SORCS2: variants seen among roughly 807,000 people sequenced by gnomAD.
The protein encoded by SORCS2 is VPS10 domain-containing receptor SorCS2.
In SORCS2, 100 loss-of-function variants were observed where a neutral mutation model predicts 141.6. The ratio of observed to expected loss-of-function variants is 0.71; its 90% CI spans 0.60 to 0.83. The LOEUF (loss-of-function observed/expected upper bound fraction) is 0.83, where lower values mean the gene tolerates loss of function less well. SORCS2 is among the 40% of genes least tolerant of loss of function. The probability of loss-of-function intolerance (pLI) is 0.00; values close to 1 mark genes in which losing one functional copy is unlikely to be tolerated. For missense variants in SORCS2, 1,646 were observed against 1,560.2 expected (o/e 1.05, Z -0.93); for synonymous variants, 789 against 676.9 (o/e 1.17, Z -2.57).
chr4:7,521,090 A>C (rs1452979074), intron 2 of SORCS2, among the ~76,000 whole-genome samples: 1 of 151,920 alleles, frequency 6.6e-6, no homozygotes, highest in Non-Finnish European at 1.5e-5. Flanking sequence ...GGTCAGCGAA[A>C]TGGGAAGGTG....
intron 1 of SORCS2, among the ~76,000 whole-genome samples, chr4:7,378,302 C>G (rs142275166): frequency 6.6e-6 from 1 of 152,116 alleles, no homozygotes; most frequent in Non-Finnish European, 1.5e-5. Flanking sequence ...TTTAAGGCAC[C>G]TTTTTGGGGC....
At chr4:7,425,917 C>G (rs1015857231) in intron 2 of SORCS2, among the ~76,000 whole-genome samples, 2 of 152,194 alleles carry the variant, frequency 1.3e-5, no homozygotes, top group African/African-American at 4.8e-5. Context: ...GTGCCCCAAT[C>G]TAGTCCAGCC....
intron 1 of SORCS2, among the ~76,000 whole-genome samples, chr4:7,361,486 G>C (rs969592791): frequency 6.6e-5 from 10 of 152,216 alleles, no homozygotes; most frequent in African/African-American, 2.4e-4. Flanking sequence ...GGGAGAGAGA[G>C]GATCTGGGCT....
intron 2 of SORCS2, chr4:7,430,726 C>T (rs1445675225): frequency 6.6e-6 from 1 of 152,314 alleles, no homozygotes; most frequent in Non-Finnish European, 1.5e-5. Flanking sequence ...GTCTCCCAAA[C>T]TTCTAGGCCC....
At chr4:7,520,953 A>T (rs1222212678) in intron 2 of SORCS2, among the ~76,000 whole-genome samples, 1 of 152,240 alleles carries the variant, frequency 6.6e-6, no homozygotes, top group Non-Finnish European at 1.5e-5. Context: ...TGGTGCACGG[A>T]TCAGGGGACA....
chr4:7,519,664 G>A (rs1479716036), intron 2 of SORCS2, among the ~76,000 whole-genome samples: 1 of 152,210 alleles, frequency 6.6e-6, no homozygotes, highest in African/African-American at 2.4e-5. Context: ...TCCCTTCATT[G>A]CTGCTGGCAT....
At chr4:7,242,661 C>A (rs1022927936) in intron 1 of SORCS2, among the ~76,000 whole-genome samples, 1 of 152,172 alleles carries the variant, frequency 6.6e-6, no homozygotes, top group African/African-American at 2.4e-5. Context: ...CAAGCCCGCC[C>A]ACACTTCCAG....
intron 1 of SORCS2, among the ~76,000 whole-genome samples, chr4:7,297,660 C>G (rs1717169383): frequency 6.6e-6 from 1 of 152,238 alleles, no homozygotes; most frequent in Non-Finnish European, 1.5e-5. Flanking sequence ...AAAATGAGAA[C>G]CGTGCTCTAT....
chr4:7,689,406 C>A, intron 10 of SORCS2, 80 bp from the exon 11 acceptor site: 1 of 1,362,944 alleles, frequency 7.3e-7, no homozygotes, highest in Non-Finnish European at 1.0e-6. Context: ...GCCACAGGGG[C>A]AGATTTGTCA....
chr4:7,257,990 A>G (rs1033325761), intron 1 of SORCS2, among the ~76,000 whole-genome samples: 1 of 152,150 alleles, frequency 6.6e-6, no homozygotes, highest in Non-Finnish European at 1.5e-5. Flanking sequence ...GCCCATGGCT[A>G]CAGCTCTCAC....
chr4:7,305,387 A>C (rs1577378188), intron 1 of SORCS2, among the ~76,000 whole-genome samples: 2 of 143,854 alleles, frequency 1.4e-5, no homozygotes, highest in African/African-American at 2.6e-5. Flanking sequence ...TTCTTGGAAC[A>C]CTATTTCTAT....
At chr4:7,357,531 C>A (rs564551668) in intron 1 of SORCS2, among the ~76,000 whole-genome samples, 1 of 152,280 alleles carries the variant, frequency 6.6e-6, no homozygotes, top group South Asian at 2.1e-4. Flanking sequence ...ACGCACTTCA[C>A]GCGGAAATAA....
intron 2 of SORCS2, among the ~76,000 whole-genome samples, chr4:7,502,726 G>A (rs1427500219): frequency 6.6e-6 from 1 of 152,160 alleles, no homozygotes; most frequent in African/African-American, 2.4e-5. Context: ...TCTAAAGCCA[G>A]GTCTCACGAC....
At chr4:7,653,524 T>A (rs761316154) in intron 4 of SORCS2, among the ~76,000 whole-genome samples, 4 of 152,214 alleles carry the variant, frequency 2.6e-5, no homozygotes, top group Non-Finnish European at 5.9e-5. Flanking sequence ...ATTACAGGCG[T>A]GAGCCACCGC....
chr4:7,270,728 T>G (rs1715069343), intron 1 of SORCS2, among the ~76,000 whole-genome samples: 1 of 152,276 alleles, frequency 6.6e-6, no homozygotes, highest in South Asian at 2.1e-4. Context: ...GATTTCGTTT[T>G]CTTTTTGTGA....
chr4:7,636,522 C>G (rs7655707), intron 3 of SORCS2, among the ~76,000 whole-genome samples: 14,996 of 152,110 alleles, frequency 0.099, 886 homozygotes, highest in Middle Eastern at 0.14. Flanking sequence ...TGTCTGCCGC[C>G]TTGTCTGCCA....
At chr4:7,732,383 G>C (rs537967696) in intron 23 of SORCS2, among the ~76,000 whole-genome samples, 3 of 152,152 alleles carry the variant, frequency 2.0e-5, no homozygotes, top group Non-Finnish European at 2.9e-5. Context: ...GAGAGGGGCC[G>C]GGAGGGAGTG....
chr4:7,331,832 G>C (rs1719672658), intron 1 of SORCS2, among the ~76,000 whole-genome samples: 1 of 152,184 alleles, frequency 6.6e-6, no homozygotes, highest in Non-Finnish European at 1.5e-5. Context: ...TGGGAGGATG[G>C]CAGGCGCCCC....
intron 12 of SORCS2, among the ~76,000 whole-genome samples, chr4:7,697,489 G>A (rs1049788316): frequency 3.3e-5 from 5 of 152,196 alleles, no homozygotes; most frequent in Admixed American, 6.5e-5. Flanking sequence ...CAGATGGCTC[G>A]GACCACCCAG....
Sources: gnomAD v4.1 joint callset for allele counts (sites outside exome capture counted in the v4.1 genomes callset) on GRCh38, gnomAD v4.1.1 for gene constraint, MANE v1.5 for transcripts, NCBI Gene and HGNC (gene_info 2026-07-23, HGNC 2026-07-21) for gene names.